VOPP1: variants seen among roughly 807,000 people sequenced by gnomAD.
The protein encoded by VOPP1 is VOPP1 WW domain binding protein.
A neutral mutation model predicts 23.5 loss-of-function variants in VOPP1; 8 were observed. The observed-to-expected ratio is 0.34, with a 90% CI of 0.20 to 0.61. The LOEUF is 0.61. VOPP1 is among the 20% of genes least tolerant of loss of function. The probability of loss-of-function intolerance (pLI) is 0.78; values close to 1 mark genes in which losing one functional copy is unlikely to be tolerated. For synonymous variants in VOPP1, 83 were observed against 97.3 expected (o/e 0.85, Z 0.86); for missense variants, 174 against 238.1 (o/e 0.73, Z 1.77).
chr7:55,454,033 T>C (rs1791307213), intron 4 of VOPP1, among the ~76,000 whole-genome samples: 1 of 152,192 alleles, frequency 6.6e-6, no homozygotes, highest in Non-Finnish European at 1.5e-5. Context: ...GTCCTTATTT[T>C]TAAAATTTTG....
At chr7:55,554,558 AGTAAAAAATTGCAGAACTTGG>A (rs1797737894) in intron 1 of VOPP1, among the ~76,000 whole-genome samples, 1 of 152,202 alleles carries the variant, frequency 6.6e-6, no homozygotes, top group African/African-American at 2.4e-5. Context: ...AGAAACTTTG[AGTAAAAAATTGCAGAACTTGG>A]GTTGCCGAGG....
chr7:55,440,655 C>T (rs1454252201), intron 4 of VOPP1, among the ~76,000 whole-genome samples: 1 of 152,210 alleles, frequency 6.6e-6, no homozygotes, highest in East Asian at 1.9e-4. Flanking sequence ...GCCCTCTTGC[C>T]CCAGGTCTGC....
chr7:55,453,912 G>T (rs778091279), intron 4 of VOPP1, among the ~76,000 whole-genome samples: 1 of 152,076 alleles, frequency 6.6e-6, no homozygotes, highest in Non-Finnish European at 1.5e-5. Flanking sequence ...TAGTTTTTGA[G>T]ATCTTTTTTG....
intron 4 of VOPP1, among the ~76,000 whole-genome samples, chr7:55,462,655 ATTTT>A (rs1191796338): frequency 8.2e-6 from 1 of 122,610 alleles, no homozygotes; most frequent in African/African-American, 3.0e-5. Context: ...TCTTGATTAT[ATTTT>A]TTTTTTTTTT....
At chr7:55,451,172 G>C (rs1342958746) in intron 4 of VOPP1, among the ~76,000 whole-genome samples, 1 of 152,118 alleles carries the variant, frequency 6.6e-6, no homozygotes, top group Non-Finnish European at 1.5e-5. Context: ...ATTTATAGGA[G>C]GGCACTGGGC....
intron 4 of VOPP1, among the ~76,000 whole-genome samples, chr7:55,453,481 TG>T (rs1286734240): frequency 3.9e-5 from 6 of 152,200 alleles, no homozygotes; most frequent in African/African-American, 1.4e-4. Flanking sequence ...TATAGGCCAT[TG>T]TAGGGTTACT....
chr7:55,482,471 A>C (rs1583868828), intron 4 of VOPP1, among the ~76,000 whole-genome samples: 2 of 139,258 alleles, frequency 1.4e-5, no homozygotes, highest in African/African-American at 2.7e-5. Context: ...ACCCACCACC[A>C]CACCTGGCTA....
At chr7:55,509,107 A>C (rs1419017937) in intron 2 of VOPP1, among the ~76,000 whole-genome samples, 1 of 152,204 alleles carries the variant, frequency 6.6e-6, no homozygotes, top group Admixed American at 6.5e-5. Flanking sequence ...AGGCATGATA[A>C]ATACTAAAGT....
chr7:55,483,044 C>T (rs1176141753), intron 4 of VOPP1, among the ~76,000 whole-genome samples: 1 of 152,210 alleles, frequency 6.6e-6, no homozygotes, highest in African/African-American at 2.4e-5. Context: ...TTCCAAGAGA[C>T]GAGCACTAAC....
chr7:55,462,734 C>A (rs987334574), intron 4 of VOPP1, among the ~76,000 whole-genome samples: 1 of 146,014 alleles, frequency 6.8e-6, no homozygotes, highest in Non-Finnish European at 1.5e-5. Flanking sequence ...CGGCTCACTG[C>A]AAGCTCCGCC....
chr7:55,510,839 T>G (rs2129034667), intron 2 of VOPP1, among the ~76,000 whole-genome samples: 1 of 152,174 alleles, frequency 6.6e-6, no homozygotes, highest in Middle Eastern at 3.4e-3. Context: ...CTCCCATGCC[T>G]GCACTCCTCC....
At chr7:55,492,698 C>T (rs1793670261) in intron 3 of VOPP1, 2 of 322,498 alleles carry the variant, frequency 6.2e-6, no homozygotes, top group Non-Finnish European at 1.1e-5. Flanking sequence ...CCCTGAAAAG[C>T]ACCGTAAAAG....
intron 4 of VOPP1, among the ~76,000 whole-genome samples, chr7:55,447,234 G>A (rs1305171514): frequency 1.3e-5 from 2 of 152,202 alleles, no homozygotes. Flanking sequence ...AGCAGCAGTT[G>A]GGTAAACCAA....
At chr7:55,453,086 C>T (rs1791284071) in intron 4 of VOPP1, among the ~76,000 whole-genome samples, 1 of 152,188 alleles carries the variant, frequency 6.6e-6, no homozygotes, top group Non-Finnish European at 1.5e-5. Flanking sequence ...CCTCAGTGGT[C>T]TTAGCTAGAT....
chr7:55,505,899 T>C (rs1480745978), intron 2 of VOPP1, among the ~76,000 whole-genome samples: 1 of 152,188 alleles, frequency 6.6e-6, no homozygotes, highest in Non-Finnish European at 1.5e-5. Context: ...ATTACTGATC[T>C]CAGCAGAGAT....
Position 55,443,330 on chromosome 7 carries a change from G to A in VOPP1, n.418-7156C>T, listed in dbSNP as rs762193202. Among the ~76,000 whole-genome samples the A allele has an allele frequency of 1.2e-3, 185 of 152,086 alleles. 1 individual carries two copies. The highest frequency in any genetic ancestry group is 1.6e-3 in the Admixed American group (25 of 15,280). On this transcript the variant is annotated intron_variant and non_coding_transcript_variant, in intron 4 of 4. Transcript: ENST00000462326. ...AGCACTTTGGGAGGCTGATGCGGGC[G>A]GATCACAAGATCAGAAGATTGAGAC...
intron 1 of VOPP1, 94 bp downstream of exon 1, chr7:55,572,177 G>T: frequency 1.9e-6 from 2 of 1,067,166 alleles, no homozygotes; most frequent in Non-Finnish European, 2.6e-6. Flanking sequence ...GCGCTCCCAG[G>T]CAAGGTCCTC....
In VOPP1 at chr7:55,538,729, T is replaced by C; in HGVS notation, c.55-17599A>G. 3 of 1,438,248 alleles carry C rather than the reference T, an allele frequency of 2.1e-6. 1 individual carries two copies. The highest frequency in any genetic ancestry group is 2.5e-5 in the South Asian group (2 of 81,024). 89.1% of individuals were successfully genotyped at this position (1,438,248 alleles called of 1,614,324 possible). On this transcript the variant is annotated intron_variant, in intron 1 of 4. Coordinates refer to ENST00000285279, the MANE Select transcript of VOPP1 (RefSeq NM_030796.5). ...AGAGAGGGCGGATTAAAATGAGTCA[T>C]GGCCATTCCTATAAAGGAACGCTTT...
At chr7:55,520,395 C>A (rs1408517878) in intron 2 of VOPP1, among the ~76,000 whole-genome samples, 2 of 152,164 alleles carry the variant, frequency 1.3e-5, no homozygotes, top group East Asian at 3.8e-4. Context: ...AAAACAGTGA[C>A]TGATAACCTG....
Sources: allele counts gnomAD v4.1 joint callset (sites outside exome capture counted in the v4.1 genomes callset), GRCh38; gene constraint gnomAD v4.1.1; transcripts MANE v1.5; gene names NCBI Gene and HGNC (gene_info 2026-07-23, HGNC 2026-07-21).